WWOX: variants seen among roughly 807,000 people sequenced by gnomAD.
The protein encoded by WWOX is WW domain-containing oxidoreductase.
A neutral mutation model predicts 46.2 loss-of-function variants in WWOX; 69 were observed. The ratio of observed to expected loss-of-function variants is 1.49; its 90% CI spans 1.23 to 1.82. The LOEUF (loss-of-function observed/expected upper bound fraction) is 1.82. Among genes scored for constraint, WWOX ranks in the 40% most tolerant of loss-of-function variants. The pLI, the probability that WWOX is intolerant of heterozygous loss-of-function variation, is 0.00. For missense variants in WWOX, 919 were observed against 542.6 expected (o/e 1.69, Z -6.89); for synonymous variants, 359 against 202.6 (o/e 1.77, Z -6.56).
intron 5 of WWOX, among the ~76,000 whole-genome samples, chr16:78,186,954 A>T (rs1662826268): frequency 6.6e-6 from 1 of 151,948 alleles, no homozygotes; most frequent in South Asian, 2.1e-4. Context: ...CTAACTACAG[A>T]TTTTATCCGA....
intron 5 of WWOX, among the ~76,000 whole-genome samples, chr16:78,289,794 T>C (rs1392853707): frequency 6.6e-6 from 1 of 152,212 alleles, no homozygotes; most frequent in Non-Finnish European, 1.5e-5. Flanking sequence ...AGGTCCTGAA[T>C]AAAATAATAT....
At chr16:78,597,066 G>T (rs756324135) in intron 8 of WWOX, among the ~76,000 whole-genome samples, 2 of 152,142 alleles carry the variant, frequency 1.3e-5, no homozygotes, top group Non-Finnish European at 2.9e-5. Flanking sequence ...GCGTAGAAGC[G>T]CTGGAGCCAG....
intron 8 of WWOX, among the ~76,000 whole-genome samples, chr16:78,578,022 A>G (rs1047852507): frequency 6.6e-6 from 1 of 151,868 alleles, no homozygotes; most frequent in African/African-American, 2.4e-5. Context: ...AAAAAAGTAT[A>G]CCGCCATTGT....
At chr16:78,207,495 A>C (rs975368578) in intron 5 of WWOX, among the ~76,000 whole-genome samples, 3 of 146,726 alleles carry the variant, frequency 2.0e-5, no homozygotes, top group Non-Finnish European at 4.5e-5. Flanking sequence ...TATCTCCCTT[A>C]CTTTTTTTTT....
chr16:78,806,592 T>G (rs1391947324), intron 8 of WWOX, among the ~76,000 whole-genome samples: 1 of 152,068 alleles, frequency 6.6e-6, no homozygotes, highest in African/African-American at 2.4e-5. Flanking sequence ...ACACATTGTC[T>G]CCATGTACCC....
chr16:78,491,549 G>A lies in WWOX; in HGVS notation c.1056+58797G>A, dbSNP rs549597600. On this transcript the variant is annotated intron_variant, in intron 8 of 8. Transcript: ENST00000566780. Reference sequence around the variant, plus strand: ...AGAGTCTCTGTGCACTGCAGCCTCCGCCTCCCAGGTTCAAGTGATCCTCCT... The same window carrying A: ...AGAGTCTCTGTGCACTGCAGCCTCCACCTCCCAGGTTCAAGTGATCCTCCT... Among the ~76,000 whole-genome samples the A allele has an allele frequency of 8.6e-4, 131 of 152,138 alleles. 1 individual carries two copies. The highest frequency in any genetic ancestry group is 2.8e-3 in the African/African-American group (115 of 41,514).
rs2047945747 is a variant in WWOX at position 79,040,287 on chromosome 16, T to TG, written c.1057-171321_1057-171320insG. 2.6e-5 allele frequency among the ~76,000 whole-genome samples: 4 copies of TG among 151,426 alleles called. No individual in the cohort carries two copies. In the South Asian group the frequency reaches 8.4e-4, roughly 32 times the overall value. On this transcript the variant is annotated intron_variant, in intron 8 of 8. Coordinates refer to ENST00000566780, the MANE Select transcript of WWOX (RefSeq NM_016373.4). ...TCTTTCTGAGTTGATTTTTTTTTTT[T>TG]TTTTTGAGACAAGGTCTCATTCTGT... is the stretch of plus-strand genomic sequence containing the variant.
At chr16:79,179,635 T>C (rs951207563) in intron 8 of WWOX, among the ~76,000 whole-genome samples, 18 of 152,330 alleles carry the variant, frequency 1.2e-4, no homozygotes, top group African/African-American at 4.1e-4. Context: ...GAGCAGAGCT[T>C]CCCTTCCATT....
At position 78,406,337 on chromosome 16, in the gene WWOX, TATATATATATATA is replaced by T. The variant is rs1217597979; in HGVS notation, c.606-18532_606-18520del. Among the ~76,000 whole-genome samples the T allele has an allele frequency of 1.8e-3, 186 of 103,154 alleles. 6 individuals are homozygous for T. The highest frequency in any genetic ancestry group is 0.01 in the African/African-American group (181 of 17,328). The allele number at this position is 103,154 out of a possible 152,430, so 67.7% of individuals were successfully genotyped here. A position where few individuals can be genotyped will look rare whatever the true frequency, so the allele number is the denominator to read the frequency against. ...ATATATATATATATATATATATATATATATATATATATATATATTTTATTATTTTTTTTTGAGA... is the reference window on the plus strand; with the variant it reads ...ATATATATATATATATATATATATATTATATTTTATTATTTTTTTTTGAGA... On this transcript the variant is annotated intron_variant, in intron 6 of 8. Coordinates refer to ENST00000566780, the MANE Select transcript of WWOX (RefSeq NM_016373.4).
chr16:78,153,993 C>T lies in WWOX; in HGVS notation c.410-10190C>T, dbSNP rs148940329. Among the ~76,000 whole-genome samples, 48 of 152,206 alleles carry T rather than the reference C, an allele frequency of 3.2e-4. No homozygotes were observed. In the East Asian group the frequency reaches 9.1e-3, roughly 29 times the overall value. On this transcript the variant is annotated intron_variant, in intron 4 of 8. Transcript: ENST00000566780. ...GCCTGAGGATTCTGTGGGCGACTGTCCCCACCTGTCCAACCTACCAGTGAG... is the reference window on the plus strand; with the variant it reads ...GCCTGAGGATTCTGTGGGCGACTGTTCCCACCTGTCCAACCTACCAGTGAG...
At chr16:78,899,424 G>C (rs1340844712) in intron 8 of WWOX, 1 of 152,156 alleles carries the variant, frequency 6.6e-6, no homozygotes, top group African/African-American at 2.4e-5. Context: ...TACCCCGTAT[G>C]TCACTTTCCT....
intron 8 of WWOX, among the ~76,000 whole-genome samples, chr16:78,523,686 T>C (rs2043397225): frequency 6.6e-6 from 1 of 152,174 alleles, no homozygotes; most frequent in African/African-American, 2.4e-5. Flanking sequence ...TGGAAATGGT[T>C]TCAGCACATC....
At chr16:78,673,150 C>G (rs1392427889) in intron 8 of WWOX, among the ~76,000 whole-genome samples, 2 of 152,196 alleles carry the variant, frequency 1.3e-5, no homozygotes, top group Admixed American at 6.5e-5. Flanking sequence ...AGCTCAAGTC[C>G]TCATTCTCAT....
intron 8 of WWOX, among the ~76,000 whole-genome samples, chr16:78,499,592 C>T (rs984566498): frequency 6.6e-6 from 1 of 152,230 alleles, no homozygotes; most frequent in African/African-American, 2.4e-5. Context: ...TGGCCCAGGG[C>T]CCCTTTGCCG....
At chr16:78,922,640 A>G (rs1409198659) in intron 8 of WWOX, among the ~76,000 whole-genome samples, 1 of 152,176 alleles carries the variant, frequency 6.6e-6, no homozygotes, top group Non-Finnish European at 1.5e-5. Context: ...TGGCCTCCCA[A>G]AGTGCTGGGA....
At chr16:79,175,473 C>G (rs1423052673) in intron 8 of WWOX, among the ~76,000 whole-genome samples, 1 of 152,180 alleles carries the variant, frequency 6.6e-6, no homozygotes, top group Non-Finnish European at 1.5e-5. Flanking sequence ...TAGCAGGAAT[C>G]ACGTGACAAT....
chr16:78,108,911 C>G (rs2032320942), intron 2 of WWOX, among the ~76,000 whole-genome samples: 1 of 152,134 alleles, frequency 6.6e-6, no homozygotes, highest in Admixed American at 6.6e-5. Context: ...GTGCTCAAAC[C>G]CAGGAGCTGG....
chr16:78,609,018 T>C (rs1370940730), intron 8 of WWOX, among the ~76,000 whole-genome samples: 1 of 152,166 alleles, frequency 6.6e-6, no homozygotes, highest in East Asian at 1.9e-4. Flanking sequence ...TTTGGGACCC[T>C]TTTTTAAAGG....
chr16:78,610,934 A>G (rs925299496), intron 8 of WWOX, among the ~76,000 whole-genome samples: 2 of 152,180 alleles, frequency 1.3e-5, no homozygotes, highest in Non-Finnish European at 2.9e-5. Flanking sequence ...AGTGAGAACG[A>G]ACGGAATTTC....
Sources: allele counts gnomAD v4.1 joint callset (sites outside exome capture counted in the v4.1 genomes callset), GRCh38; gene constraint gnomAD v4.1.1; transcripts MANE v1.5; gene names NCBI Gene and HGNC (gene_info 2026-07-23, HGNC 2026-07-21).